EYS: variants seen among roughly 807,000 people sequenced by gnomAD.
EYS encodes the protein protein eyes shut homolog.
In EYS, 250 loss-of-function variants were observed where a neutral mutation model predicts 282.1. That is an observed-to-expected ratio of 0.89 (90% CI 0.80 to 0.98). The LOEUF (loss-of-function observed/expected upper bound fraction) is 0.98, where lower values mean the gene tolerates loss of function less well. EYS is among the 50% of genes least tolerant of loss of function. The probability of loss-of-function intolerance (pLI) is 0.00; values close to 1 mark genes in which losing one functional copy is unlikely to be tolerated. For synonymous variants in EYS, 1,355 were observed against 1,282.9 expected (o/e 1.06, Z -1.20); for missense variants, 4,016 against 3,709.0 (o/e 1.08, Z -2.15).
chr6:64,500,234 A>T (rs1424450274), intron 26 of EYS, among the ~76,000 whole-genome samples: 1 of 152,170 alleles, frequency 6.6e-6, no homozygotes, highest in Non-Finnish European at 1.5e-5. Context: ...ACAGCTCAAA[A>T]TACCACAAGG....
rs1022138603 is a variant in EYS, at chr6:65,088,194, T to A, written c.2024-30467A>T. ...GCAGTGTGAGAATGGACTAATACAGTAAATCGGTACCACAGAGAGTGGGGT... is the reference window on the plus strand; with the variant it reads ...GCAGTGTGAGAATGGACTAATACAGAAAATCGGTACCACAGAGAGTGGGGT... On this transcript the variant is annotated intron_variant, in intron 12 of 42. Transcript: ENST00000503581. Among the ~76,000 whole-genome samples the A allele has an allele frequency of 5.3e-5, 8 of 152,142 alleles. No homozygotes were observed. The South Asian group carries it at 6.2e-4, about 12-fold the overall frequency.
At chr6:64,592,640 A>G (rs1328196675) in intron 25 of EYS, among the ~76,000 whole-genome samples, 2 of 152,158 alleles carry the variant, frequency 1.3e-5, no homozygotes, top group Admixed American at 6.6e-5. Flanking sequence ...ACATCACTTG[A>G]TTTAGAAAGT....
At chr6:63,812,184 C>T (rs1482546192) in intron 36 of EYS, among the ~76,000 whole-genome samples, 2 of 152,192 alleles carry the variant, frequency 1.3e-5, no homozygotes, top group East Asian at 1.9e-4. Flanking sequence ...ATTTTATACT[C>T]GTTTCTTCTT....
At chr6:63,881,078 G>A (rs1009947029) in intron 35 of EYS, among the ~76,000 whole-genome samples, 1 of 152,136 alleles carries the variant, frequency 6.6e-6, no homozygotes, top group South Asian at 2.1e-4. Context: ...AGAATAAAAG[G>A]AACAACCAAC....
intron 33 of EYS, among the ~76,000 whole-genome samples, chr6:64,008,724 A>G (rs1049139769): frequency 2.6e-5 from 4 of 152,104 alleles, no homozygotes; most frequent in Non-Finnish European, 4.4e-5. Flanking sequence ...TTGCTTTTAA[A>G]CTTAGTTTAA....
chr6:64,117,656 T>TA (rs939702858), intron 31 of EYS, among the ~76,000 whole-genome samples: 111 of 146,276 alleles, frequency 7.6e-4, no homozygotes, highest in African/African-American at 2.4e-3. Flanking sequence ...GAATGAATAG[T>TA]AAAAAAAAAA....
At chr6:65,442,407 G>T (rs1387673908) in intron 5 of EYS, among the ~76,000 whole-genome samples, 1 of 151,716 alleles carries the variant, frequency 6.6e-6, no homozygotes, top group African/African-American at 2.4e-5. Context: ...TTATTTTATG[G>T]TAAGGCAATT....
chr6:65,496,990 T>C (rs891303106), intron 2 of EYS, among the ~76,000 whole-genome samples: 1 of 152,046 alleles, frequency 6.6e-6, no homozygotes, highest in African/African-American at 2.4e-5. Flanking sequence ...CTATGAAATA[T>C]AAATTCATGT....
At chr6:64,235,593 G>A (rs1270800083) in intron 30 of EYS, among the ~76,000 whole-genome samples, 2 of 152,002 alleles carry the variant, frequency 1.3e-5, no homozygotes, top group Non-Finnish European at 2.9e-5. Flanking sequence ...ATAGTCCTTT[G>A]GGTATATACC....
chr6:65,300,386 A>G (rs1467485535), intron 11 of EYS, among the ~76,000 whole-genome samples: 1 of 152,154 alleles, frequency 6.6e-6, no homozygotes, highest in Non-Finnish European at 1.5e-5. Flanking sequence ...ACCTCTTAGA[A>G]CTAAAAATGT....
At chr6:64,636,576 C>G (rs1268629308) in intron 22 of EYS, among the ~76,000 whole-genome samples, 1 of 152,004 alleles carries the variant, frequency 6.6e-6, no homozygotes, top group Non-Finnish European at 1.5e-5. Flanking sequence ...CAACAAAAGC[C>G]AAAATTGACA....
At position 64,991,006 on chromosome 6, in the gene EYS, T is replaced by C. The variant is rs1045173747; in HGVS notation, c.2259+6576A>G. Among the ~76,000 whole-genome samples, 4 of 151,284 alleles carry C rather than the reference T, an allele frequency of 2.6e-5. No individual in the cohort carries two copies. In the South Asian group the frequency reaches 6.2e-4, roughly 24 times the overall value. ...CTTCAGATAGGCATAGTAACTATGA[T>C]TAAAACTGACAATTGAGGGGGAACA... On this transcript the variant is annotated intron_variant, in intron 14 of 42. Coordinates refer to ENST00000503581, the MANE Select transcript of EYS (RefSeq NM_001142800.2).
At position 64,420,308 on chromosome 6, in the gene EYS, C is replaced by T. The variant is rs76567628; in HGVS notation, c.5927+15866G>A. On this transcript the variant is annotated intron_variant, in intron 28 of 42. Transcript: ENST00000503581. ...TACAGCCGGGGGAGCCTGGGCCTGG[C>T]CTATGAACCATATTTTCCTCTTAGG... Among the ~76,000 whole-genome samples the T allele has an allele frequency of 1.1e-4, 16 of 152,218 alleles. No homozygotes were observed. The East Asian group carries it at 3.1e-3, about 29-fold the overall frequency.
Position 64,116,208 on chromosome 6 carries a change from C to T in EYS, c.6425-34206G>A, listed in dbSNP as rs151189102. Among the ~76,000 whole-genome samples, 84 of 152,040 alleles carry T rather than the reference C, an allele frequency of 5.5e-4. 2 individuals carry two copies. Among genetic ancestry groups the T allele is most frequent in the African/African-American group, 1.8e-3 (76 of 41,464 alleles). ...GACCTGAAGACAGGTCATTTGAAGA[C>T]GTCCAAAAGTCTCTCAAGTCAAAAA... is the stretch of plus-strand genomic sequence containing the variant. On this transcript the variant is annotated intron_variant, in intron 31 of 42. Transcript: ENST00000503581.
chr6:65,363,871 T>A (rs1053222394), intron 8 of EYS, among the ~76,000 whole-genome samples: 3 of 151,720 alleles, frequency 2.0e-5, no homozygotes, highest in African/African-American at 4.8e-5. Flanking sequence ...ATAATCAAAT[T>A]TTACCCCACT....
chr6:63,881,349 T>TATTGGGTTCAG (rs1773126755), intron 35 of EYS, among the ~76,000 whole-genome samples: 1 of 152,206 alleles, frequency 6.6e-6, no homozygotes, highest in African/African-American at 2.4e-5. Context: ...AGGGATTACC[T>TATTGGGTTCAG]ATTGGGTTCA....
intron 35 of EYS, among the ~76,000 whole-genome samples, chr6:63,967,945 A>G (rs980038396): frequency 1.3e-5 from 2 of 152,152 alleles, no homozygotes; most frequent in African/African-American, 4.8e-5. Flanking sequence ...CTCAAATCGC[A>G]TAGCTTTTAA....
chr6:64,232,773 T>C (rs1219836084), intron 30 of EYS, among the ~76,000 whole-genome samples: 3 of 152,178 alleles, frequency 2.0e-5, no homozygotes, highest in Non-Finnish European at 4.4e-5. Flanking sequence ...ATTATGTAAC[T>C]CTTTAGTTTT....
At chr6:64,008,737 G>T (rs887900517) in intron 33 of EYS, among the ~76,000 whole-genome samples, 1 of 152,170 alleles carries the variant, frequency 6.6e-6, no homozygotes, top group Non-Finnish European at 1.5e-5. Context: ...TAGTTTAACT[G>T]AGTGTGAAAT....
Sources: allele counts gnomAD v4.1 joint callset (sites outside exome capture counted in the v4.1 genomes callset), GRCh38; gene constraint gnomAD v4.1.1; transcripts MANE v1.5; gene names NCBI Gene and HGNC (gene_info 2026-07-23, HGNC 2026-07-21).